RASAL1: variants seen among roughly 807,000 people sequenced by gnomAD.
RASAL1 encodes the protein rasGAP-activating-like protein 1.
A neutral mutation model predicts 96.6 loss-of-function variants in RASAL1; 72 were observed. The ratio of observed to expected loss-of-function variants is 0.75; its 90% CI spans 0.62 to 0.91. RASAL1 has a LOEUF of 0.91. RASAL1 is among the 40% of genes least tolerant of loss of function. The pLI is 0.00. For missense variants in RASAL1, 1,016 were observed against 1,072.5 expected (o/e 0.95, Z 0.74); for synonymous variants, 405 against 430.4 (o/e 0.94, Z 0.73).
At chr12:113,116,565 T>C (rs977503370) in intron 8 of RASAL1, among the ~76,000 whole-genome samples, 1 of 151,912 alleles carries the variant, frequency 6.6e-6, no homozygotes, top group Non-Finnish European at 1.5e-5. Flanking sequence ...CAGGCATAAA[T>C]AGGAATGTAT....
intron 18 of RASAL1, chr12:113,103,620 T>G (rs919632864): frequency 1.0e-5 from 3 of 291,888 alleles, no homozygotes; most frequent in South Asian, 6.5e-5. Context: ...AAAAAAAAAA[T>G]TATTGGGTTA....
chr12:113,132,034 C>T (rs549240665), intron 1 of RASAL1, among the ~76,000 whole-genome samples: 4 of 148,254 alleles, frequency 2.7e-5, no homozygotes, highest in East Asian at 2.0e-4. Flanking sequence ...TGCAGTGGCG[C>T]GATCTTGGTT....
intron 13 of RASAL1, among the ~76,000 whole-genome samples, chr12:113,110,445 G>A (rs1950826303): frequency 6.6e-6 from 1 of 152,196 alleles, no homozygotes; most frequent in Non-Finnish European, 1.5e-5. Flanking sequence ...CACTACGTAA[G>A]AGTTCATCTC....
chr12:113,101,970 C>T lies in RASAL1; in HGVS notation c.2144G>A (p.Gly715Glu), dbSNP rs1416823518. ...CSRTHSAVTL[G>E]DWSDPLDPDA... ...AGGATCCAGTGGGTCACTCCAGTCC[C>T]CCAGGGTGACAGCTGAGTGTGTACG... Residue 715 changes from glycine to glutamate, a missense_variant, in exon 19 of 21, where the codon GGG (glycine) becomes GAG (glutamate). By Grantham distance (98) the Gly-to-Glu change is moderately conservative. Transcript: ENST00000548055. 27 of 1,614,024 alleles carry T rather than the reference C, an allele frequency of 1.7e-5. No individual in the cohort carries two copies. The highest frequency in any genetic ancestry group is 2.2e-5 in the South Asian group (2 of 91,080).
chr12:113,113,689 C>T (rs1233558632), intron 12 of RASAL1, among the ~76,000 whole-genome samples: 1 of 152,178 alleles, frequency 6.6e-6, no homozygotes, highest in East Asian at 1.9e-4. Flanking sequence ...GTGTGGACAG[C>T]ACAAGGAAAG....
chr12:113,127,907 AG>A, intron 3 of RASAL1, 34 bp from the exon 4 acceptor site: 1 of 1,609,390 alleles, frequency 6.2e-7, no homozygotes. Context: ...GGTCTGAGTC[AG>A]GGGCCCCTTT....
chr12:113,106,780 A>G (rs1341606099), intron 15 of RASAL1, among the ~76,000 whole-genome samples: 1 of 151,988 alleles, frequency 6.6e-6, no homozygotes, highest in African/African-American at 2.4e-5. Context: ...TGTCTTGTTC[A>G]CTGCTGCATC....
At chr12:113,109,597 G>C (rs1303446690) in intron 13 of RASAL1, among the ~76,000 whole-genome samples, 2 of 152,156 alleles carry the variant, frequency 1.3e-5, no homozygotes, top group Non-Finnish European at 2.9e-5. Flanking sequence ...TCTCACACTT[G>C]CCAGGCTATA....
chr12:113,121,862 T>C (rs1051494139), intron 4 of RASAL1, among the ~76,000 whole-genome samples: 5 of 151,946 alleles, frequency 3.3e-5, no homozygotes, highest in African/African-American at 7.3e-5. Context: ...GCTGGGACTT[T>C]AGGCGTGCAC....
rs778593894 is a variant in RASAL1 at position 113,121,555 on chromosome 12, C to T, written c.382G>A (p.Glu128Lys). The T allele has an allele frequency of 3.1e-6, 5 of 1,614,084 alleles. No individual in the cohort carries two copies. The African/African-American group carries it at 5.3e-5, about 17-fold the overall frequency. ...CGAAGGCAGCGGCCCTGCCCATCCTCCAGCATCTGCACTGACAGGCAGATC... is the reference window on the plus strand; with the variant it reads ...CGAAGGCAGCGGCCCTGCCCATCCTTCAGCATCTGCACTGACAGGCAGATC... Reference protein sequence around the residue: ...GEICLSVQMLEDGQGRCLRCH... With the variant: ...GEICLSVQMLKDGQGRCLRCH... Residue 128 changes from glutamate to lysine, a missense_variant, in exon 5 of 21, where the codon GAG (glutamate) becomes AAG (lysine). By Grantham distance (56) the Glu-to-Lys change is moderately conservative. Transcript: ENST00000548055.
chr12:113,135,074 C>T lies in RASAL1; in HGVS notation c.65+324G>A, dbSNP rs970583805. On this transcript the variant is annotated intron_variant, in intron 1 of 20. Coordinates refer to ENST00000548055, the MANE Select transcript of RASAL1 (RefSeq NM_001301202.2). The surrounding 1 kb of genome is among the most constrained non-coding windows in gnomAD (Gnocchi z 5.7). The stretch of plus-strand genomic sequence containing the variant: ...AAGGAAGAGACCCCCCGCTTTCTCC[C>T]CTCCCAGATCTGACAGAATATGGCC... 1.6e-4 allele frequency among the ~76,000 whole-genome samples: 24 copies of T among 152,002 alleles called. No homozygotes were observed. The highest frequency in any genetic ancestry group is 2.9e-4 in the Non-Finnish European group (20 of 67,974).
At chr12:113,128,000 C>T in intron 3 of RASAL1, 65 bp downstream of exon 3, 2 of 1,565,168 alleles carry the variant, frequency 1.3e-6, no homozygotes, top group Non-Finnish European at 1.8e-6. Flanking sequence ...CCCACATCCC[C>T]TCTCCCCTCA....
At chr12:113,107,336 C>G in intron 14 of RASAL1, 95 bp from the exon 15 acceptor site, 1 of 1,392,294 alleles carries the variant, frequency 7.2e-7, no homozygotes, top group Non-Finnish European at 9.6e-7. Context: ...AAAGAAGACT[C>G]ATATTGCCGG....
At position 113,112,158 on chromosome 12, in the gene RASAL1, C is replaced by T. The variant is rs1166256475; in HGVS notation, c.1302G>A (p.Pro434=). 8.0e-7 allele frequency: 1 copy of T among 1,253,130 alleles called. No homozygotes were observed. The highest frequency in any genetic ancestry group is 3.7e-5 in the South Asian group (1 of 26,866). 77.6% of individuals were successfully genotyped at this position (1,253,130 alleles called of 1,614,324 possible). A position where few individuals can be genotyped will look rare whatever the true frequency, so the allele number is the denominator to read the frequency against. Residue 434 remains proline, a synonymous_variant, in exon 13 of 21, where the codon CCG becomes CCA. Transcript: ENST00000548055. ...DAIVGSVGRC[P]PAMRLAFKQL... is the part of the protein sequence containing the mutation. ...GCTTGAAGGCGAGGCGCATGGCGGGCGGGCAGCGCCCCACGGAGCCCACGA... is the reference window on the plus strand; with the variant it reads ...GCTTGAAGGCGAGGCGCATGGCGGGTGGGCAGCGCCCCACGGAGCCCACGA...
chr12:113,117,775 T>G (rs1301620643), intron 7 of RASAL1, among the ~76,000 whole-genome samples: 1 of 152,224 alleles, frequency 6.6e-6, no homozygotes, highest in East Asian at 1.9e-4. Context: ...GTCGGTAGAT[T>G]TGCCTATTCT....
At chr12:113,131,001 T>A in intron 1 of RASAL1, 60 bp from the exon 2 acceptor site, 1 of 1,345,240 alleles carries the variant, frequency 7.4e-7, no homozygotes, top group Non-Finnish European at 1.1e-6. Flanking sequence ...GAGTGGAGGG[T>A]CCCAGTCATG....
In RASAL1 at chr12:113,099,911, G is replaced by T; in HGVS notation, c.*18C>A. The T allele has an allele frequency of 1.2e-6, 2 of 1,603,102 alleles. No homozygotes were observed. The highest frequency in any genetic ancestry group is 1.7e-6 in the Non-Finnish European group (2 of 1,173,478). On this transcript the variant is annotated 3_prime_UTR_variant, in exon 21 of 21. Transcript: ENST00000548055. ...CCCTGGCTCTTGCTCCTCCTTCCGG[G>T]CTAGCTCTGGCATTTCCTTAGGGGC...
intron 12 of RASAL1, among the ~76,000 whole-genome samples, chr12:113,114,058 G>A (rs931901447): frequency 1.3e-5 from 2 of 152,202 alleles, no homozygotes; most frequent in African/African-American, 4.8e-5. Context: ...CGGAGCAGAG[G>A]TCATGAGCCC....
At position 113,100,630 on chromosome 12, in the gene RASAL1, G is replaced by A; in HGVS notation, c.2276C>T (p.Thr759Ile). The A allele has an allele frequency of 1.9e-6, 3 of 1,609,076 alleles. No homozygotes were observed. The highest frequency in any genetic ancestry group is 2.6e-6 in the Non-Finnish European group (3 of 1,176,026). Residue 759 changes from threonine to isoleucine, a missense_variant and splice_region_variant, in exon 20 of 21, where the codon ACA (threonine) becomes ATA (isoleucine). By Grantham distance (89) the Thr-to-Ile change is moderately conservative (BLOSUM62 -1). Transcript: ENST00000548055. ...SNMDTTLEADTGACPEVLARQ... is the reference protein window; with the variant it reads ...SNMDTTLEADIGACPEVLARQ... Reference sequence around the variant, plus strand: ...TTCTGAGGTACAGGAGCCCTTACCTGTGTCTGCCTCCAGAGTTGTATCCAT... The same window carrying A: ...TTCTGAGGTACAGGAGCCCTTACCTATGTCTGCCTCCAGAGTTGTATCCAT...
Sources: allele counts gnomAD v4.1 joint callset (sites outside exome capture counted in the v4.1 genomes callset), GRCh38; gene constraint gnomAD v4.1.1; non-coding constraint Gnocchi (gnomAD v3.1); transcripts MANE v1.5; gene names NCBI Gene and HGNC (gene_info 2026-07-23, HGNC 2026-07-21).